CACNB2: variants seen among roughly 807,000 people sequenced by gnomAD.
CACNB2 encodes the protein voltage-dependent L-type calcium channel subunit beta-2.
Under a neutral mutation model 73.3 loss-of-function variants are expected in CACNB2, and 42 were observed. The ratio of observed to expected loss-of-function variants is 0.57; its 90% CI spans 0.45 to 0.74. The LOEUF (loss-of-function observed/expected upper bound fraction) is 0.74. CACNB2 is among the 30% of genes least tolerant of loss of function. The pLI, the probability that CACNB2 is intolerant of heterozygous loss-of-function variation, is 0.00. For missense variants in CACNB2, 940 were observed against 853.0 expected (o/e 1.10, Z -1.27); for synonymous variants, 348 against 310.3 (o/e 1.12, Z -1.28).
intron 2 of CACNB2, among the ~76,000 whole-genome samples, chr10:18,173,592 G>A (rs1009524174): frequency 6.6e-6 from 1 of 152,036 alleles, no homozygotes; most frequent in African/African-American, 2.4e-5. Context: ...TTTGAGGGTG[G>A]GTTTAGGGTT....
chr10:18,290,243 T>G (rs1486968146), intron 2 of CACNB2, among the ~76,000 whole-genome samples: 1 of 149,348 alleles, frequency 6.7e-6, no homozygotes, highest in Non-Finnish European at 1.5e-5. Context: ...GTCAGGCCGG[T>G]CCCAAACTCC....
chr10:18,486,396 T>C (rs537644010), intron 3 of CACNB2, among the ~76,000 whole-genome samples: 1 of 152,348 alleles, frequency 6.6e-6, no homozygotes, highest in Admixed American at 6.5e-5. Context: ...AATTATCTCC[T>C]CCTATAATAA....
At chr10:18,183,187 T>C (rs2033977260) in intron 2 of CACNB2, among the ~76,000 whole-genome samples, 1 of 152,090 alleles carries the variant, frequency 6.6e-6, no homozygotes, top group Non-Finnish European at 1.5e-5. Flanking sequence ...CAGGATTAAA[T>C]GAGATATTAT....
chr10:18,410,702 C>T (rs1361359789), intron 3 of CACNB2, among the ~76,000 whole-genome samples: 1 of 152,130 alleles, frequency 6.6e-6, no homozygotes, highest in Admixed American at 6.6e-5. Flanking sequence ...AATGTGTTGG[C>T]TGGGCGCGGT....
Position 18,476,955 on chromosome 10 carries a change from G to C in CACNB2, c.334-21400G>C, listed in dbSNP as rs143668615. Among the ~76,000 whole-genome samples the C allele has an allele frequency of 5.4e-3, 819 of 151,854 alleles. 11 individuals carry two copies. The highest frequency in any genetic ancestry group is 0.018 in the African/African-American group (762 of 41,412). ...GAATCACTTGAACCCGGGAGGCAGA[G>C]ATAGCAGTGAGCCAAGATTGTGCCA... On this transcript the variant is annotated intron_variant, in intron 3 of 13. Transcript: ENST00000324631.
intron 3 of CACNB2, among the ~76,000 whole-genome samples, chr10:18,442,899 A>G (rs2046484983): frequency 2.1e-5 from 3 of 139,724 alleles, no homozygotes; most frequent in Non-Finnish European, 4.6e-5. Flanking sequence ...TTGGGTCTAC[A>G]TGTAAAAACA....
intron 2 of CACNB2, chr10:18,400,569 CCCCTCGAGATCT>C: frequency 9.8e-7 from 1 of 1,020,800 alleles, no homozygotes. Context: ...CTCCCCCCTC[CCCCTCGAGATCT>C]CCAAAGATAA....
At chr10:18,152,709 C>CAAAAAAAAAAAACAAAA (rs2031669346) in intron 2 of CACNB2, among the ~76,000 whole-genome samples, 1 of 49,352 alleles carries the variant, frequency 2.0e-5, no homozygotes, top group African/African-American at 7.7e-5. Context: ...TGAAACAGAC[C>CAAAAAAAAAAAACAAAA]AAAAAAAAAA....
chr10:18,464,164 T>C (rs2047736636), intron 3 of CACNB2, among the ~76,000 whole-genome samples: 1 of 151,860 alleles, frequency 6.6e-6, no homozygotes, highest in African/African-American at 2.4e-5. Flanking sequence ...GCCAGTTCTT[T>C]TTTTTTTTCT....
At chr10:18,426,605 C>G (rs2132773989) in intron 3 of CACNB2, among the ~76,000 whole-genome samples, 1 of 152,240 alleles carries the variant, frequency 6.6e-6, no homozygotes, top group South Asian at 2.1e-4. Flanking sequence ...TTTTGGAGGC[C>G]AAGGTAGGAG....
intron 2 of CACNB2, among the ~76,000 whole-genome samples, chr10:18,362,435 T>G (rs1231445804): frequency 6.6e-6 from 1 of 152,226 alleles, no homozygotes; most frequent in African/African-American, 2.4e-5. Flanking sequence ...ATTGTGTGAT[T>G]ACTGTTTCCT....
At chr10:18,388,701 A>T (rs921841620) in intron 2 of CACNB2, among the ~76,000 whole-genome samples, 1 of 152,222 alleles carries the variant, frequency 6.6e-6, no homozygotes, top group Non-Finnish European at 1.5e-5. Flanking sequence ...TTAAGCAATC[A>T]TAGGAGAAAA....
At chr10:18,369,371 T>C (rs2042483376) in intron 2 of CACNB2, among the ~76,000 whole-genome samples, 2 of 152,198 alleles carry the variant, frequency 1.3e-5, no homozygotes, top group Admixed American at 1.3e-4. Flanking sequence ...TGCTGTAGTA[T>C]AGGTGGCAGT....
At chr10:18,534,055 G>T (rs1204093161) in intron 10 of CACNB2, 21 bp from the exon 11 acceptor site, 2 of 1,613,690 alleles carry the variant, frequency 1.2e-6, no homozygotes, top group Non-Finnish European at 1.7e-6. Context: ...CACTTTAACT[G>T]AATTGTTTCG....
intron 2 of CACNB2, among the ~76,000 whole-genome samples, chr10:18,377,527 A>G (rs528632294): frequency 4.4e-4 from 67 of 152,326 alleles, no homozygotes; most frequent in African/African-American, 1.6e-3. Flanking sequence ...GTTCCAATAA[A>G]ATTGTATTTA....
At chr10:18,217,573 G>A (rs2035563689) in intron 2 of CACNB2, among the ~76,000 whole-genome samples, 2 of 151,988 alleles carry the variant, frequency 1.3e-5, no homozygotes, top group African/African-American at 4.8e-5. Flanking sequence ...AAATGGAGAT[G>A]AGCATAAGGG....
chr10:18,153,871 C>T (rs2031813113), intron 2 of CACNB2, among the ~76,000 whole-genome samples: 1 of 143,764 alleles, frequency 7.0e-6, no homozygotes, highest in Non-Finnish European at 1.5e-5. Context: ...CATGAGCAAC[C>T]ATGCCCGGCA....
intron 2 of CACNB2, chr10:18,261,264 CT>C (rs1564385207): frequency 6.4e-7 from 1 of 1,551,266 alleles, no homozygotes; most frequent in South Asian, 1.2e-5. Flanking sequence ...GTTCTGCCCC[CT>C]CTTCATGCAG....
chr10:18,316,621 G>T (rs976278440), intron 2 of CACNB2, among the ~76,000 whole-genome samples: 14 of 152,042 alleles, frequency 9.2e-5, no homozygotes, highest in Middle Eastern at 3.4e-3. Flanking sequence ...ATGGCACTAT[G>T]CCTGGTTAAA....
Sources: allele counts gnomAD v4.1 joint callset (sites outside exome capture counted in the v4.1 genomes callset), GRCh38; gene constraint gnomAD v4.1.1; transcripts MANE v1.5; gene names NCBI Gene and HGNC (gene_info 2026-07-23, HGNC 2026-07-21).